Variants in MYRIP observed in about 807,000 individuals in gnomAD.
MYRIP encodes rab effector MyRIP.
In MYRIP, 49 loss-of-function variants were observed where a neutral mutation model predicts 98.0. That is an observed-to-expected ratio of 0.50 (90% CI 0.40 to 0.63). The LOEUF (loss-of-function observed/expected upper bound fraction) is 0.63, where lower values mean the gene tolerates loss of function less well. Among genes scored for constraint, MYRIP ranks in the 30% least tolerant of loss-of-function variants. The pLI is 0.00. For synonymous variants in MYRIP, 404 were observed against 409.5 expected, an observed-to-expected ratio of 0.99 and a Z score of 0.16; for missense variants, 1,004 against 1,058.2, an observed-to-expected ratio of 0.95 and a Z score of 0.71.
At chr3:39,906,192 C>T (rs1943874237) in intron 2 of MYRIP, among the ~76,000 whole-genome samples, 1 of 152,000 alleles carries the variant, frequency 6.6e-6, no homozygotes, top group Non-Finnish European at 1.5e-5. Flanking sequence ...CATTGCTGCA[C>T]ATTAACCATG....
chr3:39,998,924 G>A (rs1018740812), intron 2 of MYRIP, among the ~76,000 whole-genome samples: 23 of 152,154 alleles, frequency 1.5e-4, no homozygotes, highest in Admixed American at 1.2e-3. Context: ...CAAGCAATGG[G>A]GAAAGGATTC....
chr3:40,202,586 C>T (rs955010564), intron 10 of MYRIP, among the ~76,000 whole-genome samples: 13 of 152,162 alleles, frequency 8.5e-5, no homozygotes, highest in Admixed American at 7.2e-4. Flanking sequence ...GGTTCTCCCC[C>T]TGCTTTGTGG....
chr3:39,889,430 CA>C (rs1215188822), intron 1 of MYRIP, among the ~76,000 whole-genome samples: 2 of 151,908 alleles, frequency 1.3e-5, no homozygotes, highest in Admixed American at 1.3e-4. Context: ...ATGGCAAGAA[CA>C]AAAAACCAAA....
At chr3:40,143,387 C>T (rs1379209127) in intron 3 of MYRIP, among the ~76,000 whole-genome samples, 1 of 152,138 alleles carries the variant, frequency 6.6e-6, no homozygotes, top group African/African-American at 2.4e-5. Flanking sequence ...TACACTTAGC[C>T]AGTCCACCCG....
chr3:40,033,513 C>T lies in MYRIP; in HGVS notation c.111-10537C>T, dbSNP rs147119768. ...AAATACCTAGGAATCCAACTAACAA[C>T]GGACGTGAAGGACCTCTTCAAGGAG... On this transcript the variant is annotated intron_variant, in intron 2 of 16. Coordinates refer to ENST00000302541, the MANE Select transcript of MYRIP (RefSeq NM_015460.4). Among the ~76,000 whole-genome samples, 1,238 of 152,136 alleles carry T rather than the reference C, an allele frequency of 8.1e-3. 14 individuals are homozygous for T. Among genetic ancestry groups the T allele is most frequent in the African/African-American group, 0.027 (1,101 of 41,526 alleles).
intron 1 of MYRIP, among the ~76,000 whole-genome samples, chr3:39,863,733 T>C (rs1942536543): frequency 6.6e-6 from 1 of 152,038 alleles, no homozygotes; most frequent in Non-Finnish European, 1.5e-5. Context: ...CGACCTGATG[T>C]AAAACGAACA....
rs755853279 is a variant in MYRIP at position 39,872,907 on chromosome 3, C to A, written c.-30-27880C>A. On this transcript the variant is annotated intron_variant, in intron 1 of 16. Transcript: ENST00000302541. ...TTCTAGTTCTAGATCCCTGAGGAAT[C>A]GCCACACTGACTTCCACAATGGTTG... Among the ~76,000 whole-genome samples, 208 of 152,260 alleles carry A rather than the reference C, an allele frequency of 1.4e-3. 2 individuals are homozygous for A. The highest frequency in any genetic ancestry group is 2.2e-3 in the Non-Finnish European group (147 of 68,008).
intron 1 of MYRIP, among the ~76,000 whole-genome samples, chr3:39,864,924 A>C (rs1273353239): frequency 6.6e-6 from 1 of 152,204 alleles, no homozygotes; most frequent in Non-Finnish European, 1.5e-5. Flanking sequence ...TACAGTAACC[A>C]AAACAGTACA....
intron 1 of MYRIP, among the ~76,000 whole-genome samples, chr3:39,858,079 A>G (rs945880753): frequency 3.3e-5 from 5 of 152,192 alleles, no homozygotes; most frequent in African/African-American, 1.2e-4. Flanking sequence ...TTCATTCTCC[A>G]ATCAAAAGAC....
At chr3:40,212,090 A>G (rs1951948187) in intron 11 of MYRIP, among the ~76,000 whole-genome samples, 1 of 145,670 alleles carries the variant, frequency 6.9e-6, no homozygotes, top group South Asian at 2.2e-4. Flanking sequence ...AGCCATATAT[A>G]TATATGTGTG....
chr3:40,243,067 T>G (rs888200433), intron 12 of MYRIP, among the ~76,000 whole-genome samples: 1 of 152,176 alleles, frequency 6.6e-6, no homozygotes, highest in African/African-American at 2.4e-5. Flanking sequence ...GAATTACATA[T>G]TCAGCATATA....
intron 16 of MYRIP, among the ~76,000 whole-genome samples, chr3:40,255,153 A>G (rs1484205866): frequency 2.0e-5 from 3 of 152,230 alleles, no homozygotes; most frequent in African/African-American, 4.8e-5. Context: ...CAGAGCGGAA[A>G]AAGATGCATT....
Position 40,215,606 on chromosome 3 carries a change from A to T in MYRIP, c.1905+5513A>T, listed in dbSNP as rs73827161. On this transcript the variant is annotated intron_variant, in intron 11 of 16. Coordinates refer to ENST00000302541, the MANE Select transcript of MYRIP (RefSeq NM_015460.4). ...AAGTTTAATGTGCTTGTGAAAAAAAATTTGTTGATGTCATGGTGTTAACAT... is the reference window on the plus strand; with the variant it reads ...AAGTTTAATGTGCTTGTGAAAAAAATTTTGTTGATGTCATGGTGTTAACAT... Among the ~76,000 whole-genome samples the T allele has an allele frequency of 5.4e-3, 821 of 152,226 alleles. 1 individual carries two copies. Among genetic ancestry groups the T allele is most frequent in the African/African-American group, 0.018 (746 of 41,518 alleles).
intron 4 of MYRIP, among the ~76,000 whole-genome samples, chr3:40,155,849 T>A (rs1207905106): frequency 2.0e-5 from 3 of 151,934 alleles, no homozygotes; most frequent in Admixed American, 6.6e-5. Context: ...GTTTGTTTTT[T>A]TCTTGTAAAT....
intron 2 of MYRIP, among the ~76,000 whole-genome samples, chr3:39,934,985 GC>G (rs1470252915): frequency 6.6e-6 from 1 of 152,130 alleles, no homozygotes; most frequent in African/African-American, 2.4e-5. Context: ...TCATTCTGTT[GC>G]CTTACATGTC....
chr3:40,182,136 A>G, intron 8 of MYRIP, 84 bp from the exon 9 acceptor site: 1 of 1,394,108 alleles, frequency 7.2e-7, no homozygotes, highest in Non-Finnish European at 9.6e-7. Flanking sequence ...CATGCTGGAC[A>G]ATGTCTGCCC....
At chr3:39,941,488 T>C (rs923069927) in intron 2 of MYRIP, among the ~76,000 whole-genome samples, 1 of 147,844 alleles carries the variant, frequency 6.8e-6, no homozygotes, top group Non-Finnish European at 1.5e-5. Context: ...TTTAAAAATG[T>C]ATGTGTGTGT....
intron 2 of MYRIP, among the ~76,000 whole-genome samples, chr3:39,962,232 T>C (rs1945339824): frequency 6.6e-6 from 1 of 152,104 alleles, no homozygotes; most frequent in African/African-American, 2.4e-5. Context: ...ATTATGCACA[T>C]AAAAATTTAG....
intron 11 of MYRIP, among the ~76,000 whole-genome samples, chr3:40,223,207 C>T (rs918779356): frequency 6.6e-6 from 1 of 152,078 alleles, no homozygotes; most frequent in Admixed American, 6.6e-5. Flanking sequence ...CTGAACCAGA[C>T]ATCTTTTAAC....
Sources: gnomAD v4.1 joint callset for allele counts (sites outside exome capture counted in the v4.1 genomes callset) on GRCh38, gnomAD v4.1.1 for gene constraint, MANE v1.5 for transcripts, NCBI Gene and HGNC (gene_info 2026-07-23, HGNC 2026-07-21) for gene names.